The following SBF1 variants were observed in gnomAD, a reference collection of about 807,000 sequenced individuals.
SBF1 encodes the protein myotubularin-related protein 5.
Under a neutral mutation model 215.8 loss-of-function variants are expected in SBF1, and 65 were observed. The observed-to-expected ratio is 0.30, with a 90% CI of 0.25 to 0.37. SBF1 has a LOEUF of 0.37. SBF1 is among the 10% of genes least tolerant of loss of function. SBF1 has a pLI of 1.00. For synonymous variants in SBF1, 1,410 were observed against 1,122.8 expected (o/e 1.26, Z -5.11); for missense variants, 2,634 against 2,667.8 (o/e 0.99, Z 0.28).
In SBF1 at chr22:50,467,700, GTCA is replaced by G; in HGVS notation, c.280-13_280-11del. The G allele has an allele frequency of 6.2e-7, 1 of 1,605,890 alleles. No individual in the cohort carries two copies. The highest frequency in any genetic ancestry group is 8.5e-7 in the Non-Finnish European group (1 of 1,175,378). On this transcript the variant is annotated splice_polypyrimidine_tract_variant and intron_variant, in intron 3 of 40. Coordinates refer to ENST00000380817, the MANE Select transcript of SBF1 (RefSeq NM_002972.4). ...CCACGCGCGTCGTTTCCTGCTGGGGGTCAGGGGGAGACGGGGGCAGGGGGAGTT... is the reference window on the plus strand; with the variant it reads ...CCACGCGCGTCGTTTCCTGCTGGGGGGGGGGAGACGGGGGCAGGGGGAGTT...
rs1342641464 is a variant in SBF1 at position 50,446,466 on chromosome 22, T to G, written c.*676A>C. ...CCTGCAACAGCCTTCTGGGGTCAAA[T>G]GACCACCCACCCTTTCACCCCCAAG... On this transcript the variant is annotated 3_prime_UTR_variant, in exon 41 of 41. Coordinates refer to ENST00000380817, the MANE Select transcript of SBF1 (RefSeq NM_002972.4). 5.4e-6 allele frequency: 1 copy of G among 184,596 alleles called. No homozygotes were observed. The allele number at this position is 184,596 out of a possible 1,614,324, so 11.4% of individuals were successfully genotyped here.
At chr22:50,465,875 T>C in intron 9 of SBF1, 35 bp from the exon 10 acceptor site, 12 of 1,612,390 alleles carry the variant, frequency 7.4e-6, no homozygotes, top group African/African-American at 4.0e-5. Context: ...AGCTGCACGC[T>C]GGCCCCGGCT....
intron 36 of SBF1, among the ~76,000 whole-genome samples, chr22:50,452,229 G>A (rs2067075062): frequency 6.6e-6 from 1 of 150,476 alleles, no homozygotes. Context: ...GCACCAAGAT[G>A]TTTTCAGATA....
At chr22:50,463,034 G>C (rs1271647471) in intron 16 of SBF1, 96 bp from the exon 17 acceptor site, 4 of 1,300,560 alleles carry the variant, frequency 3.1e-6, no homozygotes, top group Non-Finnish European at 4.3e-6. Context: ...CCACAGACCA[G>C]CACCTGACAC....
intron 1 of SBF1, among the ~76,000 whole-genome samples, chr22:50,472,148 G>A (rs887585491): frequency 1.3e-5 from 2 of 152,208 alleles, no homozygotes; most frequent in Non-Finnish European, 2.9e-5. Flanking sequence ...GGGGCCTGCA[G>A]ATGGGCCAGC....
chr22:50,469,848 C>A, intron 1 of SBF1, among the ~76,000 whole-genome samples: 1 of 152,146 alleles, frequency 6.6e-6, no homozygotes, highest in South Asian at 2.1e-4. Flanking sequence ...CTCCACGGGT[C>A]CCCTACAGGC....
At chr22:50,452,741 A>C (rs998591615) in intron 36 of SBF1, among the ~76,000 whole-genome samples, 3 of 150,956 alleles carry the variant, frequency 2.0e-5, no homozygotes, top group African/African-American at 4.9e-5. Flanking sequence ...AAAAAAAAAA[A>C]AAAAAAAAAA....
Position 50,474,951 on chromosome 22 carries a change from C to A in SBF1, c.-111G>T. The A allele has an allele frequency of 1.4e-6, 1 of 699,994 alleles. No individual in the cohort carries two copies. The allele number at this position is 699,994 out of a possible 1,614,324, so 43.4% of individuals were successfully genotyped here. A position where few individuals can be genotyped will look rare whatever the true frequency, so the allele number is the denominator to read the frequency against. ...GGCCCTGGACCGCGCACCCCGGACA[C>A]CCCTGGTTCGCTCCGCGGCGGCGGC... On this transcript the variant is annotated 5_prime_UTR_variant, in exon 1 of 41. Coordinates refer to ENST00000380817, the MANE Select transcript of SBF1 (RefSeq NM_002972.4).
chr22:50,448,492 T>C (rs1345918595), intron 37 of SBF1, 48 bp from the exon 38 acceptor site: 1 of 1,608,578 alleles, frequency 6.2e-7, no homozygotes, highest in Non-Finnish European at 8.5e-7. Context: ...CAGACTCCAC[T>C]TTCTCCCAGC....
At chr22:50,461,772 G>A (rs767966748) in intron 21 of SBF1, 24 bp downstream of exon 21, 44 of 1,611,648 alleles carry the variant, frequency 2.7e-5, no homozygotes, top group African/African-American at 4.0e-5. Context: ...TTGGGCCCCC[G>A]CAGCCCCAAC....
intron 17 of SBF1, 21 bp downstream of exon 17, chr22:50,462,849 C>G: frequency 6.2e-7 from 1 of 1,612,864 alleles, no homozygotes; most frequent in African/African-American, 1.3e-5. Flanking sequence ...GGAAGGAGAC[C>G]TCAGCCATGC....
At chr22:50,455,764 C>T (rs1442152872) in intron 31 of SBF1, 182 bp from the exon 32 acceptor site, 9 of 615,882 alleles carry the variant, frequency 1.5e-5, no homozygotes, top group South Asian at 9.6e-5. Flanking sequence ...TGCCGACCAC[C>T]GCCTCCAGCC....
At chr22:50,451,149 G>C (rs1372776650) in intron 36 of SBF1, among the ~76,000 whole-genome samples, 1 of 122,386 alleles carries the variant, frequency 8.2e-6, no homozygotes, top group Non-Finnish European at 1.6e-5. Context: ...GGGTGACATA[G>C]GGAGACCCCA....
rs542798666 is a variant in SBF1 at position 50,461,212 on chromosome 22, G to A, written c.2914C>T (p.Pro972Ser). The change falls in exon 23 of 41, where the codon CCT (proline) becomes TCT (serine). Residue 972 changes from proline (P) to serine (S), a missense_variant. Coordinates refer to ENST00000380817, the MANE Select transcript of SBF1 (RefSeq NM_002972.4). ...TKEKRISVQT[P>S]VDQLLQDGLQ... ...CCGTCCTGCAGGAGCTGGTCCACAG[G>A]GGTCTGGACGCTGATGCGCTTCTCC... 2 of 1,612,504 alleles carry A rather than the reference G, an allele frequency of 1.2e-6. No homozygotes were observed. Among genetic ancestry groups the A allele is most frequent in the East Asian group, 2.2e-5 (1 of 44,832 alleles).
At chr22:50,455,826 C>T (rs1000860502) in intron 31 of SBF1, 3 of 539,650 alleles carry the variant, frequency 5.6e-6, no homozygotes, top group Non-Finnish European at 9.6e-6. Flanking sequence ...AGGGACGTCC[C>T]TGTCCCTCAA....
In SBF1 at chr22:50,460,079, C is replaced by T. The variant is rs1193153809; in HGVS notation, c.3364G>A (p.Val1122Met). The T allele has an allele frequency of 1.9e-6, 3 of 1,613,824 alleles. No individual in the cohort carries two copies. The African/African-American group carries it at 4.0e-5, about 22-fold the overall frequency. Reference protein sequence around the residue: ...PSDRMTMSSLVERACCRDYQR... With the variant: ...PSDRMTMSSLMERACCRDYQR... ...TAGTCGCGACAGCAAGCCCTTTCCA[C>T]CAGGCTGCTCATGGTCATGCGGTCG... Residue 1122 changes from valine to methionine, a missense_variant, in exon 26 of 41, where the codon GTG (valine) becomes ATG (methionine). Val to Met is a conservative substitution (Grantham distance 21). Transcript: ENST00000380817.
intron 1 of SBF1, among the ~76,000 whole-genome samples, chr22:50,469,460 C>A (rs2148609931): frequency 1.3e-5 from 2 of 152,358 alleles, no homozygotes; most frequent in East Asian, 3.9e-4. Context: ...TGGCTCACCC[C>A]TGGAGAGCCA....
rs546911247 is a variant in SBF1 at position 50,449,929 on chromosome 22, C to G, written c.5044-1279G>C. Among the ~76,000 whole-genome samples the G allele has an allele frequency of 3.3e-5, 5 of 152,290 alleles. No homozygotes were observed. In the South Asian group the frequency reaches 1.0e-3, roughly 32 times the overall value. On this transcript the variant is annotated intron_variant, in intron 36 of 40. Coordinates refer to ENST00000380817, the MANE Select transcript of SBF1 (RefSeq NM_002972.4). ...GCAGTGCAGCTTGAGAGACAGGAGC[C>G]TAAGACATGGGACCACATAAGATGG... is the stretch of plus-strand genomic sequence containing the variant.
intron 2 of SBF1, 75 bp downstream of exon 2, chr22:50,468,301 T>G (rs1282599154): frequency 1.4e-6 from 2 of 1,408,758 alleles, no homozygotes; most frequent in African/African-American, 2.8e-5. Context: ...GGCCCCTCAG[T>G]CAGGGACAAG....
Sources: allele counts gnomAD v4.1 joint callset (sites outside exome capture counted in the v4.1 genomes callset), GRCh38; gene constraint gnomAD v4.1.1; transcripts MANE v1.5; gene names NCBI Gene and HGNC (gene_info 2026-07-23, HGNC 2026-07-21).